The following PALB2 variants were observed in gnomAD, a reference collection of about 807,000 sequenced individuals.
PALB2 encodes the protein partner and localizer of BRCA2, also known as mutant partner and localizer of BRCA2.
In PALB2, 82 loss-of-function variants were observed where a neutral mutation model predicts 107.4. The ratio of observed to expected loss-of-function variants is 0.76; its 90% CI spans 0.64 to 0.92. The LOEUF (loss-of-function observed/expected upper bound fraction) is 0.92. PALB2 is among the 40% of genes least tolerant of loss of function. The pLI, the probability that PALB2 is intolerant of heterozygous loss-of-function variation, is 0.00. For synonymous variants in PALB2, 489 were observed against 496.8 expected (o/e 0.98, Z 0.21); for missense variants, 1,374 against 1,379.9 (o/e 1.00, Z 0.07).
rs1060502733 is a variant in PALB2, at chr16:23,630,395, C to T, written c.1759G>A (p.Ala587Thr). ...TCCCTATGAAATGGAGCCGTGAAAG[C>T]ATCATCATCCAAGGATAAATAAGCA... is the stretch of plus-strand genomic sequence containing the variant. ...NSAYLSLDDDAFTAPFHRDGM... is the reference protein window; with the variant it reads ...NSAYLSLDDDTFTAPFHRDGM... The change falls in exon 5 of 13, where the codon GCT (alanine) becomes ACT (threonine). Residue 587 changes from alanine (A) to threonine (T), a missense_variant. Coordinates refer to ENST00000261584, the MANE Select transcript of PALB2 (RefSeq NM_024675.4). 6.2e-7 allele frequency: 1 copy of T among 1,613,984 alleles called. No individual in the cohort carries two copies. The highest frequency in any genetic ancestry group is 1.7e-5 in the Admixed American group (1 of 60,008).
At chr16:23,611,108 CTAT>C (rs1966578590) in intron 11 of PALB2, among the ~76,000 whole-genome samples, 3 of 151,652 alleles carry the variant, frequency 2.0e-5, no homozygotes, top group Non-Finnish European at 4.4e-5. Context: ...ATCTATCTAT[CTAT>C]CTATCTATCT....
Position 23,614,689 on chromosome 16 carries a change from G to C in PALB2, c.3114-598C>G, listed in dbSNP as rs1376504218. ...TTTTTGAGACGGAGTCTCGCTCTGT[G>C]GCCCAGGCTGGAGTGCAGTGGCGGG... On this transcript the variant is annotated intron_variant, in intron 10 of 12. Coordinates refer to ENST00000261584, the MANE Select transcript of PALB2 (RefSeq NM_024675.4). 4.8e-5 allele frequency among the ~76,000 whole-genome samples: 6 copies of C among 124,038 alleles called. No individual in the cohort carries two copies. In the East Asian group the frequency reaches 7.3e-4, roughly 15 times the overall value. The allele number at this position is 124,038 out of a possible 152,430, so 81.4% of individuals were successfully genotyped here.
At position 23,641,230 on chromosome 16, in the gene PALB2, C is replaced by T; in HGVS notation, c.-73G>A. On this transcript the variant is annotated 5_prime_UTR_variant, in exon 1 of 13. Coordinates refer to ENST00000261584, the MANE Select transcript of PALB2 (RefSeq NM_024675.4). ...TGCCGACACCGGGACCCAGTTGGCCCTGGGCCGGGGAGGCGCCCCAGGAAG... is the reference window on the plus strand; with the variant it reads ...TGCCGACACCGGGACCCAGTTGGCCTTGGGCCGGGGAGGCGCCCCAGGAAG... 1.9e-6 allele frequency: 3 copies of T among 1,573,134 alleles called. No individual in the cohort carries two copies. Among genetic ancestry groups the T allele is most frequent in the Non-Finnish European group, 2.6e-6 (3 of 1,156,804 alleles).
In PALB2 at chr16:23,635,190, G is replaced by A. The variant is rs1555461327; in HGVS notation, c.1356C>T (p.Asn452=). The A allele has an allele frequency of 6.2e-7, 1 of 1,614,116 alleles. No individual in the cohort carries two copies. The highest frequency in any genetic ancestry group is 8.5e-7 in the Non-Finnish European group (1 of 1,180,014). The change falls in exon 4 of 13, where the codon AAC becomes AAT. Residue 452 remains asparagine (N), a synonymous_variant. Coordinates refer to ENST00000261584, the MANE Select transcript of PALB2 (RefSeq NM_024675.4). ...TTTGGTCAGTTTCCTCATTGGAAAG[G>A]TTTAAATTTTTACTTGCATCCTTAT... ...NKNKDASKNL[N]LSNEETDQSE...
intron 10 of PALB2, among the ~76,000 whole-genome samples, chr16:23,618,673 C>T (rs1837099068): frequency 6.6e-6 from 1 of 151,290 alleles, no homozygotes; most frequent in African/African-American, 2.4e-5. Flanking sequence ...AAGACATAGT[C>T]TAAAAAAATT....
intron 6 of PALB2, among the ~76,000 whole-genome samples, chr16:23,627,732 A>C (rs1332683440): frequency 2.0e-5 from 3 of 152,192 alleles, no homozygotes; most frequent in Non-Finnish European, 4.4e-5. Context: ...TAATCAATAC[A>C]ACCAAAAACT....
chr16:23,630,047 A>G lies in PALB2; in HGVS notation c.2107T>C (p.Leu703=), dbSNP rs756030419. The change falls in exon 5 of 13, where the codon TTA becomes CTA. Residue 703 remains leucine (L), a synonymous_variant. Coordinates refer to ENST00000261584, the MANE Select transcript of PALB2 (RefSeq NM_024675.4). ...ACCGTATTTAAAGGAGTATAAAGTA[A>G]TATGGATGAAGAAAGGCCCGTCTTT... The part of the protein sequence containing the change: ...HTKTGLSSSI[L]LYTPLNTVAP... 1 of 1,614,054 alleles carries G rather than the reference A, an allele frequency of 6.2e-7. No individual in the cohort carries two copies. Among genetic ancestry groups the G allele is most frequent in the African/African-American group, 1.3e-5 (1 of 74,924 alleles).
At chr16:23,614,526 T>C (rs1190553286) in intron 10 of PALB2, among the ~76,000 whole-genome samples, 1 of 151,992 alleles carries the variant, frequency 6.6e-6, no homozygotes, top group African/African-American at 2.4e-5. Context: ...CTCTATTACA[T>C]GTATTTATAC....
intron 12 of PALB2, among the ~76,000 whole-genome samples, chr16:23,604,156 C>T (rs1045111293): frequency 6.6e-6 from 1 of 152,226 alleles, no homozygotes; most frequent in African/African-American, 2.4e-5. Flanking sequence ...ATCTTCATTG[C>T]ACTTTTCACT....
Position 23,603,576 on chromosome 16 carries a change from A to G in PALB2, c.3444T>C (p.Thr1148=), listed in dbSNP as rs778512231. 6.2e-7 allele frequency: 1 copy of G among 1,614,202 alleles called. No homozygotes were observed. The highest frequency in any genetic ancestry group is 2.2e-5 in the East Asian group (1 of 44,882). ...GGTCAGAGACAGGTGGGAGGAGGGC[A>G]GTACACTGACCGAGAAGTAAGTCCC... ...AIWDLLLGQC[T]ALLPPVSDQH... The change falls in exon 13 of 13, where the codon ACT becomes ACC. Residue 1148 remains threonine, a synonymous_variant. Coordinates refer to ENST00000261584, the MANE Select transcript of PALB2 (RefSeq NM_024675.4).
intron 12 of PALB2, among the ~76,000 whole-genome samples, chr16:23,606,814 C>CCTGGCCAGATAAATACTTATCT (rs1966484347): frequency 7.4e-6 from 1 of 135,682 alleles, no homozygotes. Context: ...TGAGCCACTG[C>CCTGGCCAGATAAATACTTATCT]ACCCTGCTTT....
At position 23,637,904 on chromosome 16, in the gene PALB2, CT is replaced by C. The variant is rs587776406; in HGVS notation, c.156del (p.Glu53LysfsTer15). On this transcript the variant is annotated frameshift_variant, in exon 3 of 13. Coordinates refer to ENST00000261584, the MANE Select transcript of PALB2 (RefSeq NM_024675.4). LOFTEE classifies it high-confidence loss of function. ...TGCTGAGACAAACAATCTTGTTCTT[CT>C]ACTGTTTTCTTAATAGAATGCTTAA... is the stretch of plus-strand genomic sequence containing the variant. ...EKIKHSIKKT[V>X]EEQDCLSQQD... 1 of 1,613,870 alleles carries C rather than the reference CT, an allele frequency of 6.2e-7. No homozygotes were observed. Among genetic ancestry groups the C allele is most frequent in the African/African-American group, 1.3e-5 (1 of 74,892 alleles).
rs139555085 is a variant in PALB2, at chr16:23,636,146, C to T, written c.400G>A (p.Asp134Asn). ...TQEHFPHRVSDPSGEQKQKLP... is the reference protein window; with the variant it reads ...TQEHFPHRVSNPSGEQKQKLP... ...TTCTGCTTTTGCTCACCACTAGGGT[C>T]ACTGACCCTGTGGGGAAAATGTTCT... Residue 134 changes from aspartate to asparagine, a missense_variant, in exon 4 of 13, where the codon GAC (aspartate) becomes AAC (asparagine). Coordinates refer to ENST00000261584, the MANE Select transcript of PALB2 (RefSeq NM_024675.4). The T allele has an allele frequency of 2.4e-4, 391 of 1,612,724 alleles. 1 individual carries two copies. The African/African-American group carries it at 4.7e-3, about 20-fold the overall frequency.
At chr16:23,631,252 C>G (rs2142394835) in intron 4 of PALB2, among the ~76,000 whole-genome samples, 1 of 140,322 alleles carries the variant, frequency 7.1e-6, no homozygotes, top group East Asian at 2.1e-4. Context: ...TGCACTCCAG[C>G]CTGGGCGACA....
At chr16:23,627,242 C>T (rs1459398469) in intron 6 of PALB2, among the ~76,000 whole-genome samples, 1 of 151,552 alleles carries the variant, frequency 6.6e-6, no homozygotes, top group Non-Finnish European at 1.5e-5. Context: ...AATCCCAGCA[C>T]TTTGGGAGGC....
intron 10 of PALB2, among the ~76,000 whole-genome samples, chr16:23,614,418 ACTT>A (rs1370344830): frequency 6.6e-6 from 1 of 152,040 alleles, no homozygotes; most frequent in Non-Finnish European, 1.5e-5. Context: ...ATTTTGTGAC[ACTT>A]CTTGTTATGT....
chr16:23,616,755 G>T (rs1020812409), intron 10 of PALB2, among the ~76,000 whole-genome samples: 1 of 152,040 alleles, frequency 6.6e-6, no homozygotes, highest in Non-Finnish European at 1.5e-5. Flanking sequence ...GCCCCTCAGT[G>T]TTTAAGAATG....
intron 10 of PALB2, chr16:23,617,744 A>G (rs1365576743): frequency 6.6e-6 from 1 of 152,196 alleles, no homozygotes; most frequent in Non-Finnish European, 1.5e-5. Context: ...ACCCTCTCTC[A>G]AAAAAGCAAA....
rs778124229 is a variant in PALB2, at chr16:23,637,956, G to C, written c.109-4C>G. On this transcript the variant is annotated splice_region_variant and splice_polypyrimidine_tract_variant and intron_variant, in intron 2 of 12. Coordinates refer to ENST00000261584, the MANE Select transcript of PALB2 (RefSeq NM_024675.4). ...TCTTTTCAGCTCTTTGGGCACGCTA[G>C]AGGAGACAAAAACAGCCCCAGAAAT... The C allele has an allele frequency of 6.2e-7, 1 of 1,612,680 alleles. No individual in the cohort carries two copies. Among genetic ancestry groups the C allele is most frequent in the African/African-American group, 1.3e-5 (1 of 74,892 alleles).
Sources: allele counts gnomAD v4.1 joint callset (sites outside exome capture counted in the v4.1 genomes callset), GRCh38; gene constraint gnomAD v4.1.1; transcripts MANE v1.5; gene names NCBI Gene and HGNC (gene_info 2026-07-23, HGNC 2026-07-21).